PTPRE: variants seen among roughly 807,000 people sequenced by gnomAD.
PTPRE encodes the protein receptor-type tyrosine-protein phosphatase epsilon.
PTPRE carries 51 observed loss-of-function variants against 102.0 expected under a neutral mutation model. That is an observed-to-expected ratio of 0.50 (90% CI 0.40 to 0.63). PTPRE has a LOEUF of 0.63. Among genes scored for constraint, PTPRE ranks in the 30% least tolerant of loss-of-function variants. The pLI is 0.00. For synonymous variants in PTPRE, 345 were observed against 348.2 expected (o/e 0.99, Z 0.10); for missense variants, 752 against 915.1 (o/e 0.82, Z 2.30).
At chr10:127,945,275 G>A (rs1848545860) in intron 1 of PTPRE, among the ~76,000 whole-genome samples, 1 of 152,180 alleles carries the variant, frequency 6.6e-6, no homozygotes, top group Non-Finnish European at 1.5e-5. Flanking sequence ...TCATACATGG[G>A]GGTGAGAGGG....
rs568695029 is a variant in PTPRE, at chr10:127,924,797, A to G, written c.-31+17488A>G. On this transcript the variant is annotated intron_variant, in intron 1 of 20. Transcript: ENST00000254667. ...CTTTTCTGCAAAGTCTCAATAATGT[A>G]TAATTTTAAAATCTAGAAGTTATGG... is the stretch of plus-strand genomic sequence containing the variant. Among the ~76,000 whole-genome samples, 12 of 152,358 alleles carry G rather than the reference A, an allele frequency of 7.9e-5. No individual in the cohort carries two copies. In the South Asian group the frequency reaches 2.1e-3, roughly 26 times the overall value.
intron 2 of PTPRE, among the ~76,000 whole-genome samples, chr10:128,013,727 C>T (rs1845199394): frequency 6.6e-6 from 1 of 152,156 alleles, no homozygotes; most frequent in Admixed American, 6.5e-5. Flanking sequence ...AGGTCTTGAA[C>T]AGGCAGAGGG....
At chr10:127,996,061 G>A (rs745506322) in intron 2 of PTPRE, among the ~76,000 whole-genome samples, 8 of 152,188 alleles carry the variant, frequency 5.3e-5, no homozygotes, top group Non-Finnish European at 1.2e-4. Context: ...TTGTTGCCAG[G>A]AATCAGTGTG....
Position 128,056,190 on chromosome 10 carries a change from A to AG in PTPRE, c.488_489insG (p.Asn163LysfsTer10). On this transcript the variant is annotated frameshift_variant, in exon 7 of 21. Transcript: ENST00000254667. LOFTEE classifies it high-confidence loss of function. The stretch of plus-strand genomic sequence containing the variant: ...AATAAAGAAGAAAACAGAGAAAAAA[A>AG]CAGATATCCCAACATCCTTCCCAGT... The AG allele has an allele frequency of 1.2e-6, 2 of 1,610,588 alleles. No individual in the cohort carries two copies. The highest frequency in any genetic ancestry group is 1.7e-6 in the Non-Finnish European group (2 of 1,176,786).
chr10:127,985,960 G>A (rs1852053698), intron 2 of PTPRE, among the ~76,000 whole-genome samples: 2 of 151,630 alleles, frequency 1.3e-5, no homozygotes, highest in African/African-American at 2.4e-5. Flanking sequence ...GTGTGGTGGC[G>A]GGTGCCTGTA....
chr10:128,077,587 C>T (rs779867815), intron 18 of PTPRE, 30 bp from the exon 19 acceptor site: 20 of 1,578,744 alleles, frequency 1.3e-5, no homozygotes, highest in Middle Eastern at 3.9e-4. Context: ...GGCAGGCAGG[C>T]GACGCTGAGA....
chr10:128,077,129 G>T (rs1851272709), intron 18 of PTPRE, among the ~76,000 whole-genome samples: 1 of 152,188 alleles, frequency 6.6e-6, no homozygotes, highest in South Asian at 2.1e-4. Flanking sequence ...GGGGTCAGCT[G>T]TAGGTAGGAT....
chr10:127,976,660 C>T (rs1851203541), intron 1 of PTPRE, among the ~76,000 whole-genome samples: 1 of 152,184 alleles, frequency 6.6e-6, no homozygotes, highest in Admixed American at 6.5e-5. Flanking sequence ...ATCTCCTTTT[C>T]AAGGTGGTTT....
chr10:128,054,311 A>G (rs1380455331), intron 6 of PTPRE, among the ~76,000 whole-genome samples: 1 of 152,094 alleles, frequency 6.6e-6, no homozygotes, highest in East Asian at 1.9e-4. Flanking sequence ...GCACAGTATC[A>G]TGTACCCACC....
chr10:127,916,971 A>G (rs1228419251), intron 1 of PTPRE, among the ~76,000 whole-genome samples: 1 of 152,058 alleles, frequency 6.6e-6, no homozygotes, highest in African/African-American at 2.4e-5. Context: ...CGGCCTGGCC[A>G]GCCCCACAGA....
chr10:128,007,179 T>G (rs1418564187), intron 2 of PTPRE, among the ~76,000 whole-genome samples: 1 of 152,182 alleles, frequency 6.6e-6, no homozygotes, highest in Non-Finnish European at 1.5e-5. Context: ...TTGATAAATA[T>G]TTGAGGGGAT....
intron 3 of PTPRE, among the ~76,000 whole-genome samples, chr10:128,045,293 A>G (rs1170902849): frequency 1.3e-5 from 2 of 152,228 alleles, no homozygotes. Context: ...AGCCTTCACT[A>G]CAGGCAGGAA....
At chr10:128,018,450 G>A (rs1390297876) in intron 2 of PTPRE, among the ~76,000 whole-genome samples, 2 of 152,204 alleles carry the variant, frequency 1.3e-5, no homozygotes, top group African/African-American at 4.8e-5. Context: ...TTCCTGTCTT[G>A]TGGTCCAATC....
chr10:127,939,578 G>A (rs1288499811), intron 1 of PTPRE, among the ~76,000 whole-genome samples: 1 of 152,166 alleles, frequency 6.6e-6, no homozygotes. Flanking sequence ...ACATGTTCCA[G>A]TCTAGTTCTG....
chr10:128,076,851 A>G, intron 18 of PTPRE, 123 bp downstream of exon 18: 1 of 1,381,442 alleles, frequency 7.2e-7, no homozygotes, highest in Non-Finnish European at 9.9e-7. Context: ...ACCTAGTCCC[A>G]TTGGCTATGA....
intron 2 of PTPRE, among the ~76,000 whole-genome samples, chr10:127,989,576 C>T (rs544534930): frequency 7.0e-4 from 106 of 152,306 alleles, no homozygotes; most frequent in African/African-American, 2.4e-3. Context: ...GGTGCTCTCT[C>T]GGACTGAAAC....
At chr10:128,068,068 G>C in intron 11 of PTPRE, 55 bp from the exon 12 acceptor site, 1 of 1,559,534 alleles carries the variant, frequency 6.4e-7, no homozygotes, top group Admixed American at 1.8e-5. Context: ...TGAGATGCTG[G>C]GGGAGCAGGG....
chr10:128,002,683 CTTTTTTTTTTTTTTTTTTT>C (rs59007980), intron 2 of PTPRE, among the ~76,000 whole-genome samples: 4 of 41,154 alleles, frequency 9.7e-5, no homozygotes, highest in Admixed American at 4.2e-4. Context: ...AGTCACATAT[CTTTTTTTTTTTTTTTTTTT>C]TTTTTTTTTT....
At chr10:127,955,508 C>G (rs1168092205) in intron 1 of PTPRE, among the ~76,000 whole-genome samples, 1 of 152,130 alleles carries the variant, frequency 6.6e-6, no homozygotes. Context: ...TGTATAGATG[C>G]ATATAGTAAG....
Sources: gnomAD v4.1 joint callset for allele counts (sites outside exome capture counted in the v4.1 genomes callset) on GRCh38, gnomAD v4.1.1 for gene constraint, MANE v1.5 for transcripts, NCBI Gene and HGNC (gene_info 2026-07-23, HGNC 2026-07-21) for gene names.